The following GLG1 variants were observed in gnomAD, a reference collection of about 807,000 sequenced individuals.
GLG1 encodes golgi glycoprotein 1.
GLG1 carries 38 observed loss-of-function variants against 160.5 expected under a neutral mutation model. The ratio of observed to expected loss-of-function variants is 0.24; its 90% CI spans 0.18 to 0.31. The LOEUF (loss-of-function observed/expected upper bound fraction) is 0.31, where lower values mean the gene tolerates loss of function less well. Ranked by LOEUF, GLG1 falls within the 10% of genes least tolerant of loss-of-function variation. The pLI, the probability that GLG1 is intolerant of heterozygous loss-of-function variation, is 1.00. For synonymous variants in GLG1, 644 were observed against 543.4 expected, an observed-to-expected ratio of 1.19 and a Z score of -2.57; for missense variants, 1,373 against 1,505.2, an observed-to-expected ratio of 0.91 and a Z score of 1.45.
intron 19 of GLG1, 116 bp from the exon 20 acceptor site, chr16:74,463,595 A>G (rs1354547737): frequency 9.9e-7 from 1 of 1,014,208 alleles, no homozygotes; most frequent in Non-Finnish European, 1.5e-6. Context: ...GCTGGAGTGC[A>G]GTGGCGCAAT....
intron 9 of GLG1, 86 bp from the exon 10 acceptor site, chr16:74,483,210 C>T (rs534811384): frequency 6.6e-5 from 52 of 789,590 alleles, no homozygotes; most frequent in South Asian, 3.2e-4. Context: ...CTGTAGAAGG[C>T]GGCTTTTAGT....
intron 2 of GLG1, among the ~76,000 whole-genome samples, chr16:74,510,899 G>C (rs2016783464): frequency 6.6e-6 from 1 of 152,112 alleles, no homozygotes; most frequent in African/African-American, 2.4e-5. Context: ...TGGGGAGTTT[G>C]GTCAGGGAAG....
In GLG1 at chr16:74,468,939, G is replaced by A. The variant is rs553930657; in HGVS notation, c.2436+7C>T. ...GGTTTCTGGGAGCAGAGGCTGGGAG[G>A]CATTACCATCTCCAGCTCCTCCACA... On this transcript the variant is annotated splice_region_variant and intron_variant, in intron 17 of 25. Coordinates refer to ENST00000422840, the MANE Select transcript of GLG1 (RefSeq NM_001145667.2). 6 of 1,515,780 alleles carry A rather than the reference G, an allele frequency of 4.0e-6. No individual in the cohort carries two copies. The African/African-American group carries it at 4.1e-5, about 10-fold the overall frequency. 93.9% of individuals were successfully genotyped at this position (1,515,780 alleles called of 1,614,324 possible).
intron 2 of GLG1, among the ~76,000 whole-genome samples, chr16:74,515,762 TAA>T (rs1228420360): frequency 1.3e-5 from 2 of 151,524 alleles, no homozygotes; most frequent in African/African-American, 4.9e-5. Flanking sequence ...GCAAACTGGA[TAA>T]AGAGTCAAGA....
intron 2 of GLG1, among the ~76,000 whole-genome samples, chr16:74,523,012 A>G (rs2017219028): frequency 6.6e-6 from 1 of 152,188 alleles, no homozygotes; most frequent in South Asian, 2.1e-4. Flanking sequence ...CAGATTTTTA[A>G]GTAACCAATT....
chr16:74,475,157 C>CAAAAAAAA (rs58639513), intron 12 of GLG1, among the ~76,000 whole-genome samples: 1 of 52,868 alleles, frequency 1.9e-5, no homozygotes, highest in African/African-American at 7.5e-5. Flanking sequence ...AACTCCGTCT[C>CAAAAAAAA]AAAAAAAAAA....
At chr16:74,536,778 T>C (rs1399520861) in intron 1 of GLG1, among the ~76,000 whole-genome samples, 2 of 152,230 alleles carry the variant, frequency 1.3e-5, no homozygotes, top group African/African-American at 2.4e-5. Context: ...GAATGGTTAC[T>C]GATTTTTCAA....
chr16:74,553,805 T>C (rs879530423), intron 1 of GLG1, among the ~76,000 whole-genome samples: 51 of 152,168 alleles, frequency 3.4e-4, no homozygotes, highest in Admixed American at 5.9e-4. Context: ...ATAGACTTCA[T>C]AGCAGTTGCA....
chr16:74,493,833 C>G (rs1055506115), intron 6 of GLG1, among the ~76,000 whole-genome samples: 1 of 152,040 alleles, frequency 6.6e-6, no homozygotes, highest in Non-Finnish European at 1.5e-5. Flanking sequence ...GCAGGGCTGG[C>G]CTTAGTGTGG....
At chr16:74,553,287 C>A (rs2018255321) in intron 1 of GLG1, among the ~76,000 whole-genome samples, 2 of 151,584 alleles carry the variant, frequency 1.3e-5, no homozygotes, top group Non-Finnish European at 2.9e-5. Context: ...GTCTTGAATT[C>A]CTGGGGTCAA....
At chr16:74,458,034 G>T (rs1422753275) in intron 23 of GLG1, 40 bp from the exon 24 acceptor site, 2 of 1,603,522 alleles carry the variant, frequency 1.2e-6, no homozygotes, top group South Asian at 2.2e-5. Context: ...CTTTTGAAGG[G>T]GAAATGCATC....
intron 1 of GLG1, among the ~76,000 whole-genome samples, chr16:74,533,976 T>C (rs1246158288): frequency 1.3e-5 from 2 of 152,122 alleles, no homozygotes; most frequent in Non-Finnish European, 1.5e-5. Flanking sequence ...TAGCCACACC[T>C]AGCATTATTT....
At chr16:74,552,383 C>T (rs2161735) in intron 1 of GLG1, 11 of 584,598 alleles carry the variant, frequency 1.9e-5, no homozygotes, top group African/African-American at 1.7e-4. Context: ...GCCCAACCTT[C>T]ACATCATGAA....
At chr16:74,467,144 T>C (rs1487286335) in intron 18 of GLG1, among the ~76,000 whole-genome samples, 4 of 152,218 alleles carry the variant, frequency 2.6e-5, no homozygotes, top group African/African-American at 4.8e-5. Context: ...ATGAGACTTA[T>C]ATTGACATCA....
At chr16:74,499,616 C>G (rs2016335481) in intron 4 of GLG1, among the ~76,000 whole-genome samples, 1 of 152,196 alleles carries the variant, frequency 6.6e-6, no homozygotes, top group African/African-American at 2.4e-5. Context: ...ACTTGCCTAA[C>G]AACACATTTC....
rs997855794 is a variant in GLG1 at position 74,453,027 on chromosome 16, C to T, written c.*140G>A. The T allele has an allele frequency of 1.4e-6, 2 of 1,438,956 alleles. No homozygotes were observed. The highest frequency in any genetic ancestry group is 2.8e-5 in the African/African-American group (2 of 70,276). The allele number at this position is 1,438,956 out of a possible 1,614,324, so 89.1% of individuals were successfully genotyped here. A position where few individuals can be genotyped will look rare whatever the true frequency, so the allele number is the denominator to read the frequency against. On this transcript the variant is annotated 3_prime_UTR_variant, in exon 26 of 26. Transcript: ENST00000422840. ...GGACACGAGTGGAGGCTGGATGGGA[C>T]AACGCAGTGGACATCTGCTAATGCT...
chr16:74,597,741 C>G (rs1597385491), intron 1 of GLG1, among the ~76,000 whole-genome samples: 1 of 151,940 alleles, frequency 6.6e-6, no homozygotes, highest in East Asian at 1.9e-4. Flanking sequence ...GTAGTCCCAG[C>G]TACTCGGGAG....
At chr16:74,556,423 C>A (rs1037466044) in intron 1 of GLG1, among the ~76,000 whole-genome samples, 9 of 152,030 alleles carry the variant, frequency 5.9e-5, no homozygotes, top group African/African-American at 2.2e-4. Flanking sequence ...TTGGGGCTAA[C>A]CCAAACAATT....
chr16:74,530,211 T>TA (rs1203368038), intron 2 of GLG1, among the ~76,000 whole-genome samples: 2 of 152,210 alleles, frequency 1.3e-5, no homozygotes, highest in African/African-American at 4.8e-5. Context: ...CTTTGCTTTA[T>TA]AAATAATGCC....
Sources: allele counts gnomAD v4.1 joint callset (sites outside exome capture counted in the v4.1 genomes callset), GRCh38; gene constraint gnomAD v4.1.1; transcripts MANE v1.5; gene names NCBI Gene and HGNC (gene_info 2026-07-23, HGNC 2026-07-21).